ERBB4: variants seen among roughly 807,000 people sequenced by gnomAD.
ERBB4 encodes erb-b2 receptor tyrosine kinase 4.
ERBB4 carries 42 observed loss-of-function variants against 158.0 expected under a neutral mutation model. The observed-to-expected ratio is 0.27, with a 90% CI of 0.21 to 0.34. The LOEUF is 0.34. Ranked by LOEUF, ERBB4 falls within the 10% of genes least tolerant of loss-of-function variation. ERBB4 has a pLI of 1.00. For synonymous variants in ERBB4, 583 were observed against 558.7 expected (o/e 1.04, Z -0.61); for missense variants, 1,333 against 1,624.1 (o/e 0.82, Z 3.08).
At chr2:211,614,781 T>C (rs1221201518) in intron 19 of ERBB4, among the ~76,000 whole-genome samples, 3 of 152,046 alleles carry the variant, frequency 2.0e-5, no homozygotes, top group Non-Finnish European at 4.4e-5. Flanking sequence ...TTTAAAATAA[T>C]TCCCATCAAG....
At chr2:211,836,588 T>C (rs890429641) in intron 3 of ERBB4, among the ~76,000 whole-genome samples, 2 of 152,006 alleles carry the variant, frequency 1.3e-5, no homozygotes, top group African/African-American at 4.8e-5. Context: ...ATAAACCACA[T>C]TGTTTGCACA....
At chr2:211,402,132 C>A (rs2063056564) in intron 25 of ERBB4, among the ~76,000 whole-genome samples, 1 of 151,926 alleles carries the variant, frequency 6.6e-6, no homozygotes, top group Non-Finnish European at 1.5e-5. Flanking sequence ...CTCTTAGGAA[C>A]CACTACTGTT....
chr2:212,348,539 T>C (rs185950790), intron 1 of ERBB4, among the ~76,000 whole-genome samples: 129 of 152,252 alleles, frequency 8.5e-4, no homozygotes, highest in Non-Finnish European at 1.3e-3. Flanking sequence ...TCGTAACACA[T>C]CGTCACATTC....
chr2:212,301,121 C>CT (rs75336458), intron 1 of ERBB4, among the ~76,000 whole-genome samples: 6,091 of 144,576 alleles, frequency 0.042, 332 homozygotes, highest in African/African-American at 0.13. Flanking sequence ...CATTGATATG[C>CT]TTTTTTTTTT....
At chr2:212,131,739 C>G (rs1012558880) in intron 1 of ERBB4, among the ~76,000 whole-genome samples, 1 of 152,098 alleles carries the variant, frequency 6.6e-6, no homozygotes, top group Non-Finnish European at 1.5e-5. Flanking sequence ...TATTACCATG[C>G]CCAGTGATGA....
At chr2:211,902,354 C>T (rs993812308) in intron 3 of ERBB4, among the ~76,000 whole-genome samples, 3 of 151,878 alleles carry the variant, frequency 2.0e-5, no homozygotes, top group African/African-American at 4.8e-5. Context: ...AACAAGCAAG[C>T]ATTTTTAATA....
intron 1 of ERBB4, among the ~76,000 whole-genome samples, chr2:212,165,720 T>A (rs1266045789): frequency 1.3e-5 from 2 of 152,006 alleles, no homozygotes; most frequent in African/African-American, 4.8e-5. Context: ...TTTTCTAAAG[T>A]CATCCATGAG....
At chr2:212,353,844 C>T (rs2089358856) in intron 1 of ERBB4, among the ~76,000 whole-genome samples, 1 of 152,208 alleles carries the variant, frequency 6.6e-6, no homozygotes, top group Admixed American at 6.6e-5. Context: ...CACTCAACTA[C>T]AAGCAGAAAT....
At chr2:212,055,875 C>T (rs898272055) in intron 2 of ERBB4, among the ~76,000 whole-genome samples, 4 of 152,236 alleles carry the variant, frequency 2.6e-5, no homozygotes, top group African/African-American at 9.6e-5. Flanking sequence ...GACCACCTCT[C>T]CCCGTCCAAA....
chr2:211,705,417 C>T (rs2106051749), intron 9 of ERBB4, 26 bp from the exon 10 acceptor site: 1 of 1,451,250 alleles, frequency 6.9e-7, no homozygotes, highest in Non-Finnish European at 9.7e-7. Flanking sequence ...GAGATGTAGC[C>T]AAATTTAAAT....
At chr2:212,373,788 C>T (rs11682541) in intron 1 of ERBB4, among the ~76,000 whole-genome samples, 40,434 of 88,794 alleles carry the variant, frequency 0.46, 10,892 homozygotes, top group African/African-American at 0.67. Context: ...TATATATCCA[C>T]GTATATATAT....
chr2:211,919,237 C>A (rs947742149), intron 3 of ERBB4, among the ~76,000 whole-genome samples: 16 of 152,028 alleles, frequency 1.1e-4, no homozygotes, highest in Non-Finnish European at 2.1e-4. Context: ...GTAAATCCTT[C>A]CTCAAGGTTT....
At chr2:212,152,203 A>G (rs1460528623) in intron 1 of ERBB4, among the ~76,000 whole-genome samples, 1 of 152,146 alleles carries the variant, frequency 6.6e-6, no homozygotes, top group African/African-American at 2.4e-5. Flanking sequence ...CTGTGGTCAA[A>G]TCGGTCTCCA....
At position 211,856,638 on chromosome 2, in the gene ERBB4, C is replaced by T. The variant is rs552422994; in HGVS notation, c.422-68479G>A. On this transcript the variant is annotated intron_variant, in intron 3 of 27. Coordinates refer to ENST00000342788, the MANE Select transcript of ERBB4 (RefSeq NM_005235.3). ...TCCTGGCCTCGTGATCCGCCCGCCT[C>T]GGCCTTCCAAAGTGCAGGGATTACA... is the stretch of plus-strand genomic sequence containing the variant. 1.1e-4 allele frequency among the ~76,000 whole-genome samples: 17 copies of T among 152,164 alleles called. No individual in the cohort carries two copies. In the South Asian group the frequency reaches 3.3e-3, roughly 30 times the overall value.
At chr2:212,015,051 T>A (rs371250647) in intron 2 of ERBB4, among the ~76,000 whole-genome samples, 5,786 of 7,022 alleles carry the variant, frequency 0.82, 2,466 homozygotes, top group Middle Eastern at 1. Flanking sequence ...AATATATATA[T>A]ATATATATAT....
chr2:211,769,869 G>T (rs568773005), intron 4 of ERBB4, among the ~76,000 whole-genome samples: 1 of 152,194 alleles, frequency 6.6e-6, no homozygotes, highest in Non-Finnish European at 1.5e-5. Flanking sequence ...ATTAGATGGT[G>T]CCCACCCATA....
chr2:211,602,648 C>G (rs992716040), intron 19 of ERBB4, among the ~76,000 whole-genome samples: 1 of 152,080 alleles, frequency 6.6e-6, no homozygotes, highest in Non-Finnish European at 1.5e-5. Flanking sequence ...GTTACTCTTG[C>G]CATGTTTAAT....
At chr2:212,354,110 G>A (rs570955227) in intron 1 of ERBB4, among the ~76,000 whole-genome samples, 3 of 152,026 alleles carry the variant, frequency 2.0e-5, no homozygotes, top group Non-Finnish European at 4.4e-5. Context: ...TACCAATGAA[G>A]GCTCTTCATA....
intron 1 of ERBB4, among the ~76,000 whole-genome samples, chr2:212,280,234 G>A (rs970519297): frequency 1.3e-5 from 2 of 151,548 alleles, no homozygotes; most frequent in South Asian, 4.1e-4. Context: ...TAGATATATA[G>A]GCAATTTTTG....
Sources: allele counts gnomAD v4.1 joint callset (sites outside exome capture counted in the v4.1 genomes callset), GRCh38; gene constraint gnomAD v4.1.1; transcripts MANE v1.5; gene names NCBI Gene and HGNC (gene_info 2026-07-23, HGNC 2026-07-21).